ARHGAP24: variants seen among roughly 807,000 people sequenced by gnomAD.
The protein encoded by ARHGAP24 is Rho GTPase activating protein 24, also known as rho GTPase-activating protein 24.
Under a neutral mutation model 76.4 loss-of-function variants are expected in ARHGAP24, and 50 were observed. The ratio of observed to expected loss-of-function variants is 0.65; its 90% CI spans 0.52 to 0.83. ARHGAP24 has a LOEUF of 0.83. Ranked by LOEUF, ARHGAP24 falls within the 40% of genes least tolerant of loss-of-function variation. The pLI is 0.00. For synonymous variants in ARHGAP24, 345 were observed against 323.3 expected, an observed-to-expected ratio of 1.07 and a Z score of -0.72; for missense variants, 930 against 914.2, an observed-to-expected ratio of 1.02 and a Z score of -0.22.
intron 3 of ARHGAP24, among the ~76,000 whole-genome samples, chr4:85,777,603 T>G (rs1437187209): frequency 6.6e-6 from 1 of 152,178 alleles, no homozygotes; most frequent in African/African-American, 2.4e-5. Flanking sequence ...GTTTGAAGTG[T>G]GAGAATGAAT....
intron 2 of ARHGAP24, among the ~76,000 whole-genome samples, chr4:85,614,553 A>C (rs929747363): frequency 6.6e-6 from 1 of 152,078 alleles, no homozygotes; most frequent in Non-Finnish European, 1.5e-5. Flanking sequence ...GTTTTTATGA[A>C]TATTTGTTGT....
chr4:85,511,282 G>A (rs1347200938), intron 1 of ARHGAP24, among the ~76,000 whole-genome samples: 3 of 152,032 alleles, frequency 2.0e-5, no homozygotes, highest in Admixed American at 6.5e-5. Context: ...TCTCTTCTAT[G>A]TGTAATTAAA....
intron 2 of ARHGAP24, among the ~76,000 whole-genome samples, chr4:85,679,557 T>G (rs1723124906): frequency 6.6e-6 from 1 of 152,172 alleles, no homozygotes; most frequent in Admixed American, 6.6e-5. Flanking sequence ...TCTCTGGCCC[T>G]CAGTCCATTA....
intron 2 of ARHGAP24, among the ~76,000 whole-genome samples, chr4:85,701,078 C>T (rs902828141): frequency 6.6e-6 from 1 of 152,102 alleles, no homozygotes; most frequent in East Asian, 1.9e-4. Flanking sequence ...TCATTAGTCT[C>T]TCTGTCATTA....
At chr4:85,906,491 A>T (rs528456594) in intron 3 of ARHGAP24, among the ~76,000 whole-genome samples, 17 of 152,320 alleles carry the variant, frequency 1.1e-4, no homozygotes, top group Admixed American at 6.5e-4. Context: ...ATTTTCTATG[A>T]TAACTAGTTT....
chr4:85,822,062 TA>T (rs1729497350), intron 3 of ARHGAP24, among the ~76,000 whole-genome samples: 2 of 152,230 alleles, frequency 1.3e-5, no homozygotes, highest in Admixed American at 1.3e-4. Context: ...ACTTTCTAGT[TA>T]AAGAATAAAT....
intron 3 of ARHGAP24, among the ~76,000 whole-genome samples, chr4:85,920,517 A>G (rs997075162): frequency 2.0e-5 from 3 of 152,210 alleles, no homozygotes; most frequent in Admixed American, 2.0e-4. Context: ...AAGAAAAGCA[A>G]ATATTGACAA....
intron 3 of ARHGAP24, among the ~76,000 whole-genome samples, chr4:85,903,051 A>G (rs1449123919): frequency 6.6e-6 from 1 of 152,164 alleles, no homozygotes; most frequent in Admixed American, 6.5e-5. Flanking sequence ...GATTATTTTT[A>G]TGTATATTTT....
intron 3 of ARHGAP24, among the ~76,000 whole-genome samples, chr4:85,784,311 T>G (rs79690830): frequency 6.6e-6 from 1 of 150,920 alleles, no homozygotes; most frequent in South Asian, 2.1e-4. Flanking sequence ...CTTTTTTTTT[T>G]CTTCCCTCTT....
intron 8 of ARHGAP24, among the ~76,000 whole-genome samples, chr4:85,985,730 C>T (rs1739943010): frequency 6.6e-6 from 1 of 152,186 alleles, no homozygotes; most frequent in Non-Finnish European, 1.5e-5. Flanking sequence ...CTCACAGGCT[C>T]TGACTTCTGA....
chr4:85,716,312 C>T lies in ARHGAP24; in HGVS notation c.181-5573C>T, dbSNP rs564255298. ...TGACAGCAAACTACTAGTGTGGTTA[C>T]AAATTGTGTCGCTTTTGCCAACTCT... On this transcript the variant is annotated intron_variant, in intron 2 of 9. Transcript: ENST00000395184. Among the ~76,000 whole-genome samples, 31 of 152,036 alleles carry T rather than the reference C, an allele frequency of 2.0e-4. 1 individual carries two copies. The highest frequency in any genetic ancestry group is 7.0e-4 in the African/African-American group (29 of 41,506).
At chr4:85,608,600 C>T (rs1484410358) in intron 2 of ARHGAP24, among the ~76,000 whole-genome samples, 1 of 124,832 alleles carries the variant, frequency 8.0e-6, no homozygotes, top group Non-Finnish European at 1.6e-5. Context: ...GCTCTGTCGC[C>T]AGGCTGGAGT....
intron 1 of ARHGAP24, among the ~76,000 whole-genome samples, chr4:85,513,365 T>C (rs1370244141): frequency 6.6e-6 from 1 of 152,206 alleles, no homozygotes; most frequent in East Asian, 1.9e-4. Context: ...TTTGTCCACA[T>C]GGGGATTCCT....
chr4:85,882,572 A>T (rs1388596019), intron 3 of ARHGAP24, among the ~76,000 whole-genome samples: 1 of 152,168 alleles, frequency 6.6e-6, no homozygotes, highest in Non-Finnish European at 1.5e-5. Flanking sequence ...GAGCATGGGC[A>T]CAATAAGCTT....
chr4:85,533,844 C>A (rs566276138), intron 1 of ARHGAP24, among the ~76,000 whole-genome samples: 1 of 152,070 alleles, frequency 6.6e-6, no homozygotes, highest in Non-Finnish European at 1.5e-5. Flanking sequence ...TTATGGTAAT[C>A]ATTAATTTAA....
At chr4:85,478,864 T>A (rs2110086028) in intron 1 of ARHGAP24, among the ~76,000 whole-genome samples, 1 of 152,344 alleles carries the variant, frequency 6.6e-6, no homozygotes. Context: ...CTTGTCTGCT[T>A]CTATAGCATT....
intron 3 of ARHGAP24, among the ~76,000 whole-genome samples, chr4:85,728,232 CAAAAAA>C (rs143928362): frequency 2.2e-5 from 2 of 90,558 alleles, no homozygotes; most frequent in Non-Finnish European, 4.9e-5. Context: ...ATCCTTTTGC[CAAAAAA>C]AAAAAAAAAA....
chr4:85,555,512 C>T (rs1471160793), intron 1 of ARHGAP24, among the ~76,000 whole-genome samples: 1 of 152,204 alleles, frequency 6.6e-6, no homozygotes, highest in African/African-American at 2.4e-5. Flanking sequence ...AGTCACTTCA[C>T]TGCTTTGTAT....
intron 3 of ARHGAP24, among the ~76,000 whole-genome samples, chr4:85,922,812 C>T (rs776707705): frequency 9.2e-5 from 14 of 152,118 alleles, no homozygotes; most frequent in African/African-American, 2.2e-4. Context: ...AACTTAAATG[C>T]GCTATAAAAG....
Sources: gnomAD v4.1 joint callset for allele counts (sites outside exome capture counted in the v4.1 genomes callset) on GRCh38, gnomAD v4.1.1 for gene constraint, MANE v1.5 for transcripts, NCBI Gene and HGNC (gene_info 2026-07-23, HGNC 2026-07-21) for gene names.